SUMF1: variants seen among roughly 807,000 people sequenced by gnomAD.
SUMF1 encodes formylglycine-generating enzyme.
In SUMF1, 48 loss-of-function variants were observed where a neutral mutation model predicts 47.6. That is an observed-to-expected ratio of 1.01 (90% CI 0.80 to 1.28). The LOEUF (loss-of-function observed/expected upper bound fraction) is 1.28. Among genes scored for constraint, SUMF1 ranks in the 50% most tolerant of loss-of-function variants. The pLI, the probability that SUMF1 is intolerant of heterozygous loss-of-function variation, is 0.00. For synonymous variants in SUMF1, 230 were observed against 192.1 expected (o/e 1.20, Z -1.63); for missense variants, 571 against 485.4 (o/e 1.18, Z -1.66).
chr3:4,048,608 A>G (rs1241406369), intron 9 of SUMF1, among the ~76,000 whole-genome samples: 2 of 151,832 alleles, frequency 1.3e-5, no homozygotes, highest in Admixed American at 6.6e-5. Flanking sequence ...AATTTCATCT[A>G]TGTTTGTGTG....
chr3:4,188,350 C>T (rs1175092489), intron 8 of SUMF1, among the ~76,000 whole-genome samples: 2 of 151,978 alleles, frequency 1.3e-5, no homozygotes, highest in Non-Finnish European at 2.9e-5. Flanking sequence ...ATTATACATT[C>T]TATGGGTTTG....
intron 8 of SUMF1, among the ~76,000 whole-genome samples, chr3:4,334,191 A>T (rs554289795): frequency 3.9e-4 from 59 of 152,230 alleles, no homozygotes; most frequent in Non-Finnish European, 7.1e-4. Context: ...AAAGGTGTTG[A>T]AAGCATAAAG....
intron 8 of SUMF1, among the ~76,000 whole-genome samples, chr3:4,348,857 A>G (rs1699429095): frequency 2.0e-5 from 3 of 152,220 alleles, no homozygotes. Context: ...CCTGGGCAAC[A>G]AGAGCGAAGC....
At chr3:4,304,899 G>T (rs150334092) in intron 8 of SUMF1, among the ~76,000 whole-genome samples, 11 of 152,008 alleles carry the variant, frequency 7.2e-5, no homozygotes, top group Non-Finnish European at 1.5e-5. Context: ...ATGTTTGGGA[G>T]AGAGGAGACG....
At chr3:4,100,247 A>C (rs1693002875) in intron 8 of SUMF1, among the ~76,000 whole-genome samples, 1 of 152,016 alleles carries the variant, frequency 6.6e-6, no homozygotes. Flanking sequence ...TCGTGACCAA[A>C]AAGAACAAAG....
chr3:4,080,940 C>CAAGT, intron 8 of SUMF1, among the ~76,000 whole-genome samples: 1 of 152,050 alleles, frequency 6.6e-6, no homozygotes, highest in Admixed American at 6.6e-5. Flanking sequence ...TGACCATGAG[C>CAAGT]AAGTCATTAA....
At chr3:4,275,732 C>G (rs998454772) in intron 8 of SUMF1, among the ~76,000 whole-genome samples, 1 of 152,086 alleles carries the variant, frequency 6.6e-6, no homozygotes, top group Non-Finnish European at 1.5e-5. Context: ...GGGAAGAAGA[C>G]AAAAGCAAAA....
At chr3:4,293,533 T>C (rs905680301) in intron 8 of SUMF1, among the ~76,000 whole-genome samples, 1 of 152,232 alleles carries the variant, frequency 6.6e-6, no homozygotes, top group African/African-American at 2.4e-5. Context: ...TTTTTATTAC[T>C]ACCAAGAGAG....
chr3:4,075,520 T>C (rs1473740650), intron 8 of SUMF1, among the ~76,000 whole-genome samples: 1 of 152,016 alleles, frequency 6.6e-6, no homozygotes, highest in Admixed American at 6.6e-5. Flanking sequence ...AAAAAAAGGG[T>C]ATTCAATTAG....
intron 7 of SUMF1, among the ~76,000 whole-genome samples, chr3:4,400,333 C>T (rs181709523): frequency 1.5e-4 from 23 of 152,250 alleles, no homozygotes; most frequent in African/African-American, 4.6e-4. Flanking sequence ...ATCCAAAAAA[C>T]CCGGGCTTTG....
At chr3:4,107,773 G>C (rs1484462635) in intron 8 of SUMF1, among the ~76,000 whole-genome samples, 2 of 152,168 alleles carry the variant, frequency 1.3e-5, no homozygotes, top group African/African-American at 4.8e-5. Flanking sequence ...AGCTATGAAG[G>C]CATCACTGCA....
intron 3 of SUMF1, among the ~76,000 whole-genome samples, chr3:4,437,101 C>T (rs554486462): frequency 2.0e-5 from 3 of 152,260 alleles, no homozygotes; most frequent in Non-Finnish European, 4.4e-5. Flanking sequence ...AAATTGATCT[C>T]AGACAGAATC....
intron 8 of SUMF1, among the ~76,000 whole-genome samples, chr3:4,209,210 A>G (rs1191445156): frequency 1.3e-5 from 2 of 152,142 alleles, no homozygotes; most frequent in East Asian, 3.8e-4. Context: ...GACTTTAAGG[A>G]CCTACAATTT....
intron 8 of SUMF1, chr3:4,317,069 C>T (rs1355194535): frequency 1.3e-6 from 2 of 1,549,306 alleles, no homozygotes; most frequent in South Asian, 2.4e-5. Context: ...ACTACCACGT[C>T]TTTAAGCATC....
intron 8 of SUMF1, among the ~76,000 whole-genome samples, chr3:4,178,696 T>A (rs1184292643): frequency 6.6e-6 from 1 of 152,128 alleles, no homozygotes. Flanking sequence ...GCCAGGGCAA[T>A]CAGGCAAGAG....
intron 1 of SUMF1, among the ~76,000 whole-genome samples, chr3:4,455,101 C>A (rs903053759): frequency 5.9e-5 from 9 of 151,904 alleles, no homozygotes; most frequent in South Asian, 2.1e-4. Context: ...TTTCAAAAAC[C>A]ACAGGCCTTC....
chr3:4,343,600 G>A (rs1014772696), intron 8 of SUMF1, among the ~76,000 whole-genome samples: 1 of 152,180 alleles, frequency 6.6e-6, no homozygotes, highest in Non-Finnish European at 1.5e-5. Flanking sequence ...AACTATGCCT[G>A]CACCCTACAG....
chr3:4,454,158 A>C (rs1311137691), intron 1 of SUMF1, among the ~76,000 whole-genome samples: 1 of 152,130 alleles, frequency 6.6e-6, no homozygotes, highest in Non-Finnish European at 1.5e-5. Context: ...CTGTTTGTAT[A>C]ATTCCTTATA....
chr3:4,461,291 C>A (rs760930866), intron 1 of SUMF1, among the ~76,000 whole-genome samples: 27 of 152,230 alleles, frequency 1.8e-4, no homozygotes, highest in South Asian at 8.3e-4. Context: ...CACAAGATAA[C>A]CCAGTCCTAA....
Sources: gnomAD v4.1 joint callset for allele counts (sites outside exome capture counted in the v4.1 genomes callset) on GRCh38, gnomAD v4.1.1 for gene constraint, MANE v1.5 for transcripts, NCBI Gene and HGNC (gene_info 2026-07-23, HGNC 2026-07-21) for gene names.